CEP112: variants seen among roughly 807,000 people sequenced by gnomAD.
CEP112 encodes the protein centrosomal protein 112, also known as centrosomal protein of 112 kDa.
Under a neutral mutation model 153.0 loss-of-function variants are expected in CEP112, and 127 were observed. The observed-to-expected ratio is 0.83, with a 90% CI of 0.72 to 0.96. The LOEUF (loss-of-function observed/expected upper bound fraction) is 0.96, where lower values mean the gene tolerates loss of function less well. Among genes scored for constraint, CEP112 ranks in the 40% least tolerant of loss-of-function variants. CEP112 has a pLI of 0.00. For synonymous variants in CEP112, 358 were observed against 374.4 expected, an observed-to-expected ratio of 0.96 and a Z score of 0.51; for missense variants, 1,089 against 1,101.2, an observed-to-expected ratio of 0.99 and a Z score of 0.16.
Position 66,141,761 on chromosome 17 carries a change from ATT to A in CEP112, c.471-9000_471-8999del, listed in dbSNP as rs558961867. On this transcript the variant is annotated intron_variant, in intron 4 of 26. Transcript: ENST00000535342. The stretch of plus-strand genomic sequence containing the variant: ...ATATTCTATTTTATGTATATACCAT[ATT>A]TTGTTAATCCATTCATTTGTAGATG... Among the ~76,000 whole-genome samples, 8 of 152,242 alleles carry A rather than the reference ATT, an allele frequency of 5.3e-5. No homozygotes were observed. The East Asian group carries it at 5.8e-4, about 11-fold the overall frequency.
At chr17:65,940,708 C>T (rs928695285) in intron 18 of CEP112, among the ~76,000 whole-genome samples, 3 of 151,930 alleles carry the variant, frequency 2.0e-5, no homozygotes, top group Admixed American at 6.6e-5. Context: ...GTAGAGAGTA[C>T]AATGGTAGTT....
At chr17:65,685,805 TGG>T (rs1215721650) in intron 24 of CEP112, among the ~76,000 whole-genome samples, 1 of 151,578 alleles carries the variant, frequency 6.6e-6, no homozygotes, top group South Asian at 2.1e-4. Flanking sequence ...CCCAAGTAGC[TGG>T]GATTATAGGC....
chr17:66,021,968 C>A (rs1185564676), intron 16 of CEP112, among the ~76,000 whole-genome samples: 1 of 152,214 alleles, frequency 6.6e-6, no homozygotes, highest in Non-Finnish European at 1.5e-5. Flanking sequence ...GGTTGACCTG[C>A]AAACCCCATA....
chr17:65,938,679 A>T (rs11079600), intron 18 of CEP112, among the ~76,000 whole-genome samples: 72,811 of 152,020 alleles, frequency 0.48, 18,429 homozygotes, highest in East Asian at 0.89. Context: ...GATGACATAA[A>T]CTATATACAG....
chr17:66,030,841 A>G (rs2065432076), intron 12 of CEP112, among the ~76,000 whole-genome samples: 1 of 152,234 alleles, frequency 6.6e-6, no homozygotes, highest in Non-Finnish European at 1.5e-5. Flanking sequence ...CAATAAGGAT[A>G]GGTTAGTATG....
intron 23 of CEP112, among the ~76,000 whole-genome samples, chr17:65,695,617 T>C (rs1033299172): frequency 3.3e-5 from 5 of 152,202 alleles, no homozygotes; most frequent in African/African-American, 1.2e-4. Flanking sequence ...TATAAAGTGG[T>C]TAAAAGGTTT....
chr17:65,796,555 C>T (rs770204277), intron 21 of CEP112, among the ~76,000 whole-genome samples: 1 of 152,006 alleles, frequency 6.6e-6, no homozygotes, highest in East Asian at 1.9e-4. Flanking sequence ...CTCACTGAAG[C>T]GGGAAGATCC....
At chr17:66,045,539 G>T (rs2066168274) in intron 12 of CEP112, among the ~76,000 whole-genome samples, 1 of 152,062 alleles carries the variant, frequency 6.6e-6, no homozygotes, top group Non-Finnish European at 1.5e-5. Flanking sequence ...TTCAAATTGT[G>T]GGTCTCAATC....
intron 1 of CEP112, among the ~76,000 whole-genome samples, chr17:66,186,472 G>C (rs1423622876): frequency 2.6e-5 from 4 of 152,056 alleles, no homozygotes; most frequent in African/African-American, 9.7e-5. Flanking sequence ...CGTATTTTTA[G>C]TAGAGACGGC....
chr17:65,643,837 T>C (rs1335934646), intron 24 of CEP112, among the ~76,000 whole-genome samples: 1 of 152,230 alleles, frequency 6.6e-6, no homozygotes, highest in Non-Finnish European at 1.5e-5. Context: ...GAATTCTTGA[T>C]GTAAGCAGAA....
At chr17:66,109,086 C>T (rs941002039) in intron 6 of CEP112, among the ~76,000 whole-genome samples, 7 of 151,664 alleles carry the variant, frequency 4.6e-5, no homozygotes, top group Admixed American at 2.0e-4. Context: ...CTCTGCAGAT[C>T]GACAGTAGGA....
At chr17:65,941,467 C>T (rs2061502802) in intron 18 of CEP112, 1 of 152,096 alleles carries the variant, frequency 6.6e-6, no homozygotes, top group South Asian at 2.1e-4. Flanking sequence ...AAATGCCAGA[C>T]CCCATTCCAT....
chr17:65,731,911 G>A (rs2050529003), intron 23 of CEP112, among the ~76,000 whole-genome samples: 1 of 151,622 alleles, frequency 6.6e-6, no homozygotes, highest in South Asian at 2.1e-4. Context: ...TACCACATCT[G>A]CAGTTACTTC....
chr17:65,963,585 T>C (rs1011683860), intron 17 of CEP112, among the ~76,000 whole-genome samples: 2 of 129,218 alleles, frequency 1.5e-5, no homozygotes, highest in Non-Finnish European at 3.3e-5. Context: ...ACCTAATTTC[T>C]ACTTCAGCAA....
intron 12 of CEP112, among the ~76,000 whole-genome samples, chr17:66,037,410 C>CGTGCT (rs994574787): frequency 2.6e-5 from 4 of 152,098 alleles, no homozygotes; most frequent in African/African-American, 9.7e-5. Flanking sequence ...CTGGCTCTCC[C>CGTGCT]GTGCTGGTCA....
intron 18 of CEP112, among the ~76,000 whole-genome samples, chr17:65,960,633 C>T (rs73336671): frequency 0.012 from 1,805 of 152,306 alleles, 37 homozygotes; most frequent in African/African-American, 0.041. Context: ...ACAACATCTA[C>T]ATGTCACTTC....
intron 21 of CEP112, among the ~76,000 whole-genome samples, chr17:65,773,267 CT>C (rs151220073): frequency 0.011 from 1,710 of 152,270 alleles, 41 homozygotes; most frequent in African/African-American, 0.039. Flanking sequence ...TATCTACCCC[CT>C]GCCTTCATTT....
chr17:65,994,666 A>G (rs2063717690), intron 17 of CEP112, among the ~76,000 whole-genome samples: 1 of 152,166 alleles, frequency 6.6e-6, no homozygotes. Flanking sequence ...TCCACAACGT[A>G]CAGAAAAATA....
intron 5 of CEP112, among the ~76,000 whole-genome samples, chr17:66,130,423 A>G (rs910146278): frequency 1.3e-5 from 2 of 152,132 alleles, no homozygotes; most frequent in African/African-American, 4.8e-5. Flanking sequence ...TTGTTCTTAA[A>G]TTAATTCTCA....
Sources: allele counts gnomAD v4.1 joint callset (sites outside exome capture counted in the v4.1 genomes callset), GRCh38; gene constraint gnomAD v4.1.1; transcripts MANE v1.5; gene names NCBI Gene and HGNC (gene_info 2026-07-23, HGNC 2026-07-21).